Variants in GTF3C1 observed in about 807,000 individuals in gnomAD.
GTF3C1 encodes the protein general transcription factor 3C polypeptide 1.
In GTF3C1, 57 loss-of-function variants were observed where a neutral mutation model predicts 226.7. The observed-to-expected ratio is 0.25, with a 90% CI of 0.20 to 0.31. GTF3C1 has a LOEUF of 0.31. Among genes scored for constraint, GTF3C1 ranks in the 10% least tolerant of loss-of-function variants. The pLI is 1.00. For synonymous variants in GTF3C1, 1,090 were observed against 1,084.8 expected (o/e 1.00, Z -0.09); for missense variants, 2,217 against 2,776.1 (o/e 0.80, Z 4.53).
rs7185518 is a variant in GTF3C1, at chr16:27,538,998, A to T, written c.432-642T>A. Reference sequence around the variant, plus strand: ...CACACACACACACACACACACACACACTCATCTTTTTTTTTTTTTTTTTTT... The same window carrying T: ...CACACACACACACACACACACACACTCTCATCTTTTTTTTTTTTTTTTTTT... On this transcript the variant is annotated intron_variant, in intron 2 of 36. Coordinates refer to ENST00000356183, the MANE Select transcript of GTF3C1 (RefSeq NM_001520.4). Among the ~76,000 whole-genome samples, 1,116 of 116,854 alleles carry T rather than the reference A, an allele frequency of 9.6e-3. 27 individuals carry two copies. The highest frequency in any genetic ancestry group is 0.038 in the African/African-American group (1,049 of 27,716). The allele number at this position is 116,854 out of a possible 152,430, so 76.7% of individuals were successfully genotyped here. A position where few individuals can be genotyped will look rare whatever the true frequency, so the allele number is the denominator to read the frequency against.
At chr16:27,510,317 C>T (rs944521431) in intron 7 of GTF3C1, among the ~76,000 whole-genome samples, 1 of 151,788 alleles carries the variant, frequency 6.6e-6, no homozygotes, top group African/African-American at 2.4e-5. Flanking sequence ...ACCCAGGAGG[C>T]GGAGCTTGCA....
At chr16:27,514,933 C>A (rs1409924672) in intron 6 of GTF3C1, among the ~76,000 whole-genome samples, 1 of 152,112 alleles carries the variant, frequency 6.6e-6, no homozygotes, top group Non-Finnish European at 1.5e-5. Context: ...GCCTGAGCAG[C>A]AGCACGACAC....
intron 16 of GTF3C1, among the ~76,000 whole-genome samples, 174 bp downstream of exon 16, chr16:27,494,589 C>A (rs1168183688): frequency 6.6e-6 from 1 of 152,132 alleles, no homozygotes; most frequent in Non-Finnish European, 1.5e-5. Context: ...CTATCTCGAA[C>A]AAATCCTTAA....
Position 27,507,339 on chromosome 16 carries a change from G to A in GTF3C1, c.1243-183C>T, listed in dbSNP as rs1393416179. Among the ~76,000 whole-genome samples, 1 of 152,106 alleles carries A rather than the reference G, an allele frequency of 6.6e-6. No homozygotes were observed. Among genetic ancestry groups the A allele is most frequent in the African/African-American group, 2.4e-5 (1 of 41,424 alleles). ...GCTCTTCCTCTCTGTAATCCCCCAG[G>A]TCTTCCTTCCACAGAGATCCTTCTC... On this transcript the variant is annotated intron_variant, in intron 8 of 36. Transcript: ENST00000356183. This position sits in a 1 kb window ranked among gnomAD's most constrained non-coding sequence, Gnocchi z 4.9.
At chr16:27,464,070 C>T in intron 34 of GTF3C1, 1 of 442,100 alleles carries the variant, frequency 2.3e-6, no homozygotes, top group Non-Finnish European at 3.9e-6. Context: ...ACGCTGGCCC[C>T]ACCGCCTGAG....
rs1232063480 is a variant in GTF3C1 at position 27,469,264 on chromosome 16, T to A, written c.5074+27A>T. ...CCTGGATGATGGCGAGGCCAGGCCC[T>A]CCCACAGCACCAGCAGGAGCACTCA... is the stretch of plus-strand genomic sequence containing the variant. On this transcript the variant is annotated intron_variant, in intron 32 of 36. Coordinates refer to ENST00000356183, the MANE Select transcript of GTF3C1 (RefSeq NM_001520.4). The surrounding 1 kb of genome is among the most constrained non-coding windows in gnomAD (Gnocchi z 4.5). The A allele has an allele frequency of 6.5e-7, 1 of 1,536,504 alleles. No homozygotes were observed. Among genetic ancestry groups the A allele is most frequent in the African/African-American group, 1.4e-5 (1 of 73,074 alleles).
chr16:27,512,328 T>C (rs2088585853), intron 6 of GTF3C1, among the ~76,000 whole-genome samples: 1 of 152,168 alleles, frequency 6.6e-6, no homozygotes, highest in Admixed American at 6.5e-5. Flanking sequence ...AGCATCTTTT[T>C]CCTTTTAAGC....
Position 27,489,034 on chromosome 16 carries a change from C to T in GTF3C1, c.3429+9G>A. ...CCTGAGATTGTAGTCCGGTGTGACG[C>T]ACACCCACCTTTTTGGCCTGGTTGA... On this transcript the variant is annotated intron_variant, in intron 21 of 36. Coordinates refer to ENST00000356183, the MANE Select transcript of GTF3C1 (RefSeq NM_001520.4). 1 of 1,613,320 alleles carries T rather than the reference C, an allele frequency of 6.2e-7. No homozygotes were observed. Among genetic ancestry groups the T allele is most frequent in the Non-Finnish European group, 8.5e-7 (1 of 1,179,486 alleles).
rs1596614435 is a variant in GTF3C1, at chr16:27,469,608, C to T, written c.4815-58G>A. ...ATAGGCCAGCCAGTTGCTACTGCAG[C>T]CTCTCCCCTCCCTCAAGAGGCCTCT... On this transcript the variant is annotated intron_variant, in intron 31 of 36. Transcript: ENST00000356183. This position sits in a 1 kb window ranked among gnomAD's most constrained non-coding sequence, Gnocchi z 4.5. 1.9e-6 allele frequency: 3 copies of T among 1,556,062 alleles called. No homozygotes were observed. In the East Asian group the frequency reaches 6.8e-5, roughly 35 times the overall value.
chr16:27,519,550 G>A (rs564391606), intron 6 of GTF3C1, among the ~76,000 whole-genome samples: 26 of 152,236 alleles, frequency 1.7e-4, no homozygotes, highest in African/African-American at 5.5e-4. Flanking sequence ...CCTGAGTTCA[G>A]CCCAGTCTCA....
In GTF3C1 at chr16:27,484,268, G is replaced by C. The variant is rs991661259; in HGVS notation, c.3944C>G (p.Ser1315Cys). 6.2e-7 allele frequency: 1 copy of C among 1,607,370 alleles called. No homozygotes were observed. Among genetic ancestry groups the C allele is most frequent in the Non-Finnish European group, 8.5e-7 (1 of 1,173,880 alleles). ...TATGTAGCGAGCTCTTCGTCCAACG[G>C]AATGAGATGTTTTATCCAAAGACTC... ...FEESLDKTSHSVGRRARYIVK... is the reference protein window; with the variant it reads ...FEESLDKTSHCVGRRARYIVK... Residue 1315 changes from serine to cysteine, a missense_variant, in exon 25 of 37, where the codon TCC becomes TGC. Around this residue, in one of 12 missense-constraint regions of GTF3C1, gnomAD observed 546 missense variants for 663.0 expected, o/e 0.82. Transcript: ENST00000356183.
intron 15 of GTF3C1, 84 bp from the exon 16 acceptor site, chr16:27,494,992 T>A: frequency 8.2e-7 from 1 of 1,220,940 alleles, no homozygotes; most frequent in Non-Finnish European, 1.2e-6. Context: ...TCCCAGGAGG[T>A]CTTGGTGTCT....
chr16:27,491,353 A>C (rs2088230057), intron 19 of GTF3C1, among the ~76,000 whole-genome samples: 2 of 152,264 alleles, frequency 1.3e-5, no homozygotes, highest in Non-Finnish European at 1.5e-5. Context: ...CCTGGAGGAA[A>C]AGCACTGCAG....
intron 16 of GTF3C1, among the ~76,000 whole-genome samples, chr16:27,494,124 G>A (rs1339326447): frequency 2.0e-5 from 3 of 151,910 alleles, no homozygotes; most frequent in Admixed American, 2.0e-4. Context: ...TGTTTTGGTC[G>A]GGTGCAATGG....
At chr16:27,479,033 T>G (rs1022909953) in intron 27 of GTF3C1, among the ~76,000 whole-genome samples, 6 of 152,168 alleles carry the variant, frequency 3.9e-5, no homozygotes, top group Non-Finnish European at 8.8e-5. Flanking sequence ...GAAAAAGTTT[T>G]CATGATTTAA....
intron 23 of GTF3C1, among the ~76,000 whole-genome samples, 177 bp from the exon 24 acceptor site, chr16:27,486,331 A>T (rs1324850818): frequency 6.6e-6 from 1 of 152,110 alleles, no homozygotes; most frequent in Non-Finnish European, 1.5e-5. Context: ...GCCCCTTCTG[A>T]TAGATTTTAT....
At chr16:27,472,006 G>C in intron 29 of GTF3C1, 86 bp from the exon 30 acceptor site, 1 of 1,200,584 alleles carries the variant, frequency 8.3e-7, no homozygotes, top group Non-Finnish European at 1.2e-6. Flanking sequence ...GGCTGCGGCT[G>C]ATGCTTTATA....
intron 7 of GTF3C1, among the ~76,000 whole-genome samples, chr16:27,509,040 A>G (rs771590186): frequency 5.3e-5 from 8 of 152,242 alleles, no homozygotes; most frequent in Non-Finnish European, 1.2e-4. Flanking sequence ...CTCTTTAAGA[A>G]GCATCAAAAT....
intron 7 of GTF3C1, among the ~76,000 whole-genome samples, chr16:27,510,162 G>A (rs1264612512): frequency 6.6e-6 from 1 of 152,060 alleles, no homozygotes; most frequent in Non-Finnish European, 1.5e-5. Flanking sequence ...GAGGCAGGTG[G>A]ATCACGAGGT....
Sources: gnomAD v4.1 joint callset for allele counts (sites outside exome capture counted in the v4.1 genomes callset) on GRCh38, gnomAD v4.1.1 for gene constraint, gnomAD v4.1.1 regional missense constraint, Gnocchi (gnomAD v3.1) non-coding constraint, MANE v1.5 for transcripts, NCBI Gene and HGNC (gene_info 2026-07-23, HGNC 2026-07-21) for gene names.